The following TNRC6B variants were observed in gnomAD, a reference collection of about 807,000 sequenced individuals.
TNRC6B encodes the protein trinucleotide repeat containing adaptor 6B.
A neutral mutation model predicts 203.6 loss-of-function variants in TNRC6B; 52 were observed. The observed-to-expected ratio is 0.26, with a 90% CI of 0.20 to 0.32. The LOEUF (loss-of-function observed/expected upper bound fraction) is 0.32, where lower values mean the gene tolerates loss of function less well. TNRC6B is among the 10% of genes least tolerant of loss of function. The pLI, the probability that TNRC6B is intolerant of heterozygous loss-of-function variation, is 1.00. For missense variants in TNRC6B, 1,923 were observed against 2,286.2 expected (o/e 0.84, Z 3.24); for synonymous variants, 838 against 845.7 (o/e 0.99, Z 0.16).
intron 1 of TNRC6B, among the ~76,000 whole-genome samples, chr22:40,193,872 A>G (rs2069303601): frequency 6.7e-6 from 1 of 150,348 alleles, no homozygotes; most frequent in Non-Finnish European, 1.5e-5. Context: ...AAAAAAAGAA[A>G]GACTGCAAAG....
intron 21 of TNRC6B, among the ~76,000 whole-genome samples, chr22:40,318,318 C>T (rs755443868): frequency 2.0e-5 from 3 of 152,024 alleles, no homozygotes; most frequent in East Asian, 1.9e-4. Context: ...GAGGCCGAGG[C>T]GGGCAGATCA....
chr22:40,126,453 A>G lies in TNRC6B; in HGVS notation c.45+591A>G, dbSNP rs1233213838. 4.6e-5 allele frequency among the ~76,000 whole-genome samples: 7 copies of G among 151,868 alleles called. No individual in the cohort carries two copies. The East Asian group carries it at 1.4e-3, about 29-fold the overall frequency. ...CCACCGTTTCCATCTTTATGTCCACATGTACCCAGTGTTTAGCTCCCACTT... is the reference window on the plus strand; with the variant it reads ...CCACCGTTTCCATCTTTATGTCCACGTGTACCCAGTGTTTAGCTCCCACTT... On this transcript the variant is annotated intron_variant, in intron 3 of 23. Coordinates refer to the TNRC6B transcript ENST00000301923.
chr22:40,320,991 A>G lies in TNRC6B; in HGVS notation c.4975-99A>G, dbSNP rs956446495. On this transcript the variant is annotated intron_variant, in intron 21 of 22. Coordinates refer to ENST00000454349, the MANE Select transcript of TNRC6B (RefSeq NM_001162501.2). ...TGCATTTATGGAAACTATTTGCAAA[A>G]TGGGCACACTAGGTCTCAGCCAGTG... is the stretch of plus-strand genomic sequence containing the variant. The G allele has an allele frequency of 4.3e-6, 6 of 1,411,648 alleles. No individual in the cohort carries two copies. In the African/African-American group the frequency reaches 8.5e-5, roughly 20 times the overall value. 87.4% of individuals were successfully genotyped at this position (1,411,648 alleles called of 1,614,324 possible). A position where few individuals can be genotyped will look rare whatever the true frequency, so the allele number is the denominator to read the frequency against.
At chr22:40,315,891 T>A (rs1472427019) in intron 20 of TNRC6B, 51 bp from the exon 21 acceptor site, 1 of 1,423,186 alleles carries the variant, frequency 7.0e-7, no homozygotes, top group South Asian at 1.2e-5. Context: ...TCATGGCTTT[T>A]CTTGTTTTTG....
intron 1 of TNRC6B, among the ~76,000 whole-genome samples, chr22:40,242,721 C>T (rs1569035218): frequency 6.6e-6 from 1 of 152,052 alleles, no homozygotes; most frequent in South Asian, 2.1e-4. Flanking sequence ...TGAGCCACCG[C>T]GCCCGTCCCT....
chr22:40,084,831 T>C (rs2068088714), intron 1 of TNRC6B, among the ~76,000 whole-genome samples: 1 of 152,148 alleles, frequency 6.6e-6, no homozygotes, highest in African/African-American at 2.4e-5. Flanking sequence ...AAAGTCATGC[T>C]CAGGAGTTTG....
intron 3 of TNRC6B, among the ~76,000 whole-genome samples, chr22:40,255,305 G>A (rs992944903): frequency 1.4e-4 from 22 of 152,236 alleles, no homozygotes; most frequent in African/African-American, 5.1e-4. Flanking sequence ...GGACACAGCT[G>A]AGAGCAGCAC....
chr22:40,158,539 T>C (rs1420996167), intron 4 of TNRC6B, among the ~76,000 whole-genome samples: 2 of 152,272 alleles, frequency 1.3e-5, no homozygotes, highest in East Asian at 3.9e-4. Flanking sequence ...TGAATCAGCT[T>C]ATTTAGGTAT....
intron 1 of TNRC6B, among the ~76,000 whole-genome samples, chr22:40,233,556 A>C (rs181296319): frequency 1.3e-5 from 2 of 151,722 alleles, no homozygotes; most frequent in Non-Finnish European, 2.9e-5. Context: ...CAGGAGGCGG[A>C]GGTTGCAGTG....
At chr22:40,100,063 T>TTTA (rs760391690) in intron 1 of TNRC6B, among the ~76,000 whole-genome samples, 2 of 92,526 alleles carry the variant, frequency 2.2e-5, no homozygotes, top group African/African-American at 9.8e-5. Context: ...TCCATTTTAT[T>TTTA]TTTATTATTT....
chr22:40,135,535 C>G (rs897819598), intron 3 of TNRC6B, among the ~76,000 whole-genome samples: 1 of 152,102 alleles, frequency 6.6e-6, no homozygotes, highest in Non-Finnish European at 1.5e-5. Context: ...TGTTCTTGCT[C>G]TTTTGCCCAA....
chr22:40,290,402 G>A (rs1242380703), intron 12 of TNRC6B, among the ~76,000 whole-genome samples: 2 of 152,194 alleles, frequency 1.3e-5, no homozygotes, highest in African/African-American at 2.4e-5. Flanking sequence ...CTCTCGCTGA[G>A]AATGCAAGGC....
intron 16 of TNRC6B, among the ~76,000 whole-genome samples, chr22:40,310,514 T>TGTGAAC (rs1323348634): frequency 6.6e-6 from 1 of 152,246 alleles, no homozygotes; most frequent in Non-Finnish European, 1.5e-5. Flanking sequence ...ATTCCTAGTA[T>TGTGAAC]GTGAACGTTT....
intron 1 of TNRC6B, among the ~76,000 whole-genome samples, chr22:40,237,881 G>A (rs1455489644): frequency 1.3e-5 from 2 of 151,920 alleles, no homozygotes; most frequent in Non-Finnish European, 2.9e-5. Flanking sequence ...TTGTGTGTGT[G>A]TGTTTTCTGT....
chr22:40,053,351 G>T (rs537720914), intron 1 of TNRC6B, among the ~76,000 whole-genome samples: 1 of 152,096 alleles, frequency 6.6e-6, no homozygotes, highest in Non-Finnish European at 1.5e-5. Context: ...TCCAGAATTC[G>T]GGCAGAGTTG....
intron 12 of TNRC6B, among the ~76,000 whole-genome samples, chr22:40,290,597 T>G (rs1227563733): frequency 1.3e-5 from 2 of 152,148 alleles, no homozygotes; most frequent in African/African-American, 4.8e-5. Flanking sequence ...GCTCTCTGCT[T>G]CTCTGCCACC....
chr22:40,105,448 C>T (rs958676664), intron 1 of TNRC6B, among the ~76,000 whole-genome samples: 2 of 152,196 alleles, frequency 1.3e-5, no homozygotes, highest in African/African-American at 4.8e-5. Flanking sequence ...TCCTCTCCCA[C>T]CTACAGGTAA....
intron 10 of TNRC6B, among the ~76,000 whole-genome samples, chr22:40,280,830 T>A (rs374142847): frequency 4.6e-5 from 7 of 152,208 alleles, no homozygotes; most frequent in Admixed American, 2.0e-4. Flanking sequence ...GCTAGAGTAA[T>A]CAATATTAGA....
At chr22:40,089,541 T>A (rs1327327439) in intron 1 of TNRC6B, among the ~76,000 whole-genome samples, 1 of 150,336 alleles carries the variant, frequency 6.7e-6, no homozygotes, top group Non-Finnish European at 1.5e-5. Context: ...CGTTAAGACT[T>A]TTTTTTTTAA....
Sources: gnomAD v4.1 joint callset for allele counts (sites outside exome capture counted in the v4.1 genomes callset) on GRCh38, gnomAD v4.1.1 for gene constraint, MANE v1.5 for transcripts, NCBI Gene and HGNC (gene_info 2026-07-23, HGNC 2026-07-21) for gene names.